Variants in SMG7 observed in about 807,000 individuals in gnomAD.
SMG7 encodes the protein SMG7 nonsense mediated mRNA decay factor.
SMG7 carries 34 observed loss-of-function variants against 148.2 expected under a neutral mutation model. That is an observed-to-expected ratio of 0.23 (90% confidence interval 0.17 to 0.31). The LOEUF (loss-of-function observed/expected upper bound fraction) is 0.31, where lower values mean the gene tolerates loss of function less well. Among genes scored for constraint, SMG7 ranks in the 10% least tolerant of loss-of-function variants. SMG7 has a pLI of 1.00. For missense variants in SMG7, 1,114 were observed against 1,408.4 expected (o/e 0.79, Z 3.35); for synonymous variants, 492 against 515.1 (o/e 0.96, Z 0.61).
At chr1:183,523,247 A>T (rs1165709465) in intron 4 of SMG7, among the ~76,000 whole-genome samples, 1 of 152,236 alleles carries the variant, frequency 6.6e-6, no homozygotes, top group African/African-American at 2.4e-5. Context: ...TAAAGAGCTG[A>T]GGAGACAAGA....
intron 1 of SMG7, among the ~76,000 whole-genome samples, chr1:183,477,917 A>C (rs1370377601): frequency 6.6e-6 from 1 of 152,134 alleles, no homozygotes; most frequent in African/African-American, 2.4e-5. Flanking sequence ...TACTAATATA[A>C]CAGCCACAGG....
In SMG7 at chr1:183,503,376, T is replaced by G. The variant is rs140251995; in HGVS notation, c.30-9461T>G. On this transcript the variant is annotated intron_variant, in intron 1 of 22. Transcript: ENST00000688051. ...TATATCAGGTCCAATTTTAAAAATG[T>G]ATTTGTTAAATAACGTAATCAGAAC... Among the ~76,000 whole-genome samples the G allele has an allele frequency of 1.8e-3, 271 of 152,348 alleles. 1 individual carries two copies. The highest frequency in any genetic ancestry group is 0.014 in the Middle Eastern group (4 of 294).
At chr1:183,525,966 T>C (rs978664531) in intron 4 of SMG7, among the ~76,000 whole-genome samples, 7 of 152,038 alleles carry the variant, frequency 4.6e-5, no homozygotes, top group Non-Finnish European at 7.4e-5. Flanking sequence ...GTAGTAGCTT[T>C]CTTTGCTTGC....
Position 183,542,095 on chromosome 1 carries a change from G to C in SMG7, c.1435G>C (p.Glu479Gln). ...TTTTAGGCTGATTCAGTGTGAAAAT[G>C]AGGTAGGGAAATTGTTGTTTATCAC... ...NQPRLIQCEN[E>Q]VGKLLFITEI... is the part of the protein sequence containing the mutation. The change falls in exon 14 of 23, where the codon GAG becomes CAG. Residue 479 changes from glutamate (E) to glutamine (Q), a missense_variant. Around this residue, in one of 4 missense-constraint regions of SMG7, gnomAD observed 788 missense variants for 894.5 expected, o/e 0.88. Transcript: ENST00000688051. 1.2e-6 allele frequency: 2 copies of C among 1,611,352 alleles called. No homozygotes were observed. Among genetic ancestry groups the C allele is most frequent in the Non-Finnish European group, 1.7e-6 (2 of 1,178,172 alleles).
intron 4 of SMG7, among the ~76,000 whole-genome samples, chr1:183,525,010 T>A (rs147394020): frequency 1.3e-5 from 2 of 152,290 alleles, no homozygotes; most frequent in African/African-American, 2.4e-5. Context: ...ATCTTTCTTG[T>A]TTACTGGGTG....
intron 1 of SMG7, among the ~76,000 whole-genome samples, chr1:183,482,682 T>C (rs1026574886): frequency 6.6e-5 from 10 of 152,158 alleles, no homozygotes; most frequent in Non-Finnish European, 1.0e-4. Context: ...TTATTAGCTA[T>C]TGTTAGTCTC....
chr1:183,538,104 G>T (rs183949703), intron 11 of SMG7, among the ~76,000 whole-genome samples: 43 of 152,234 alleles, frequency 2.8e-4, no homozygotes, highest in African/African-American at 1.0e-3. Context: ...CTGGATCCAA[G>T]ACTATGAATT....
At chr1:183,543,646 A>AC (rs1381487073) in intron 14 of SMG7, among the ~76,000 whole-genome samples, 3 of 152,154 alleles carry the variant, frequency 2.0e-5, no homozygotes, top group Non-Finnish European at 2.9e-5. Context: ...ATCTCAAATC[A>AC]CCTATAAATG....
chr1:183,535,093 T>C (rs934170904), intron 10 of SMG7, among the ~76,000 whole-genome samples: 1 of 152,224 alleles, frequency 6.6e-6, no homozygotes, highest in African/African-American at 2.4e-5. Context: ...TCTACTCTTG[T>C]GTACTCTAGA....
At chr1:183,481,590 A>G (rs1452341700) in intron 1 of SMG7, among the ~76,000 whole-genome samples, 1 of 152,176 alleles carries the variant, frequency 6.6e-6, no homozygotes, top group Non-Finnish European at 1.5e-5. Flanking sequence ...ATTTAGGACT[A>G]TTTACCGTAT....
chr1:183,549,398 G>A (rs1405753358), intron 19 of SMG7, 110 bp downstream of exon 19: 19 of 785,998 alleles, frequency 2.4e-5, no homozygotes, highest in Non-Finnish European at 3.8e-5. Flanking sequence ...ATGTATTAGT[G>A]TATTCCAGAT....
At chr1:183,536,386 T>C (rs1248233682) in intron 10 of SMG7, among the ~76,000 whole-genome samples, 1 of 152,158 alleles carries the variant, frequency 6.6e-6, no homozygotes, top group East Asian at 1.9e-4. Flanking sequence ...CCCTGTCATA[T>C]ATAATACATC....
chr1:183,496,004 A>C (rs542920689), intron 1 of SMG7, among the ~76,000 whole-genome samples: 2 of 152,256 alleles, frequency 1.3e-5, no homozygotes, highest in Non-Finnish European at 2.9e-5. Context: ...TTTAGGCTCC[A>C]GAATTCTGAT....
intron 1 of SMG7, among the ~76,000 whole-genome samples, chr1:183,476,728 A>G (rs148422646): frequency 3.3e-5 from 5 of 152,002 alleles, no homozygotes; most frequent in East Asian, 3.9e-4. Context: ...TAAGAGAATC[A>G]GTTAAGTTGA....
chr1:183,552,796 C>T lies in SMG7; in HGVS notation c.*865C>T. On this transcript the variant is annotated 3_prime_UTR_variant, in exon 23 of 23. Coordinates refer to ENST00000688051, the MANE Select transcript of SMG7 (RefSeq NM_001375584.1). The stretch of plus-strand genomic sequence containing the variant: ...CTCACAGAAGGCAGGCTAGTCCATT[C>T]ACAGCCTGACACGTTCTAATAGGTA... 7.1e-7 allele frequency: 1 copy of T among 1,416,496 alleles called. No individual in the cohort carries two copies. Among genetic ancestry groups the T allele is most frequent in the East Asian group, 2.5e-5 (1 of 39,362 alleles). The allele number at this position is 1,416,496 out of a possible 1,614,324, so 87.7% of individuals were successfully genotyped here. A position where few individuals can be genotyped will look rare whatever the true frequency, so the allele number is the denominator to read the frequency against.
chr1:183,472,699 G>C, intron 1 of SMG7, 50 bp downstream of exon 1: 2 of 1,433,260 alleles, frequency 1.4e-6, no homozygotes, highest in South Asian at 1.4e-5. Context: ...CCGCAGGTTG[G>C]GGCATGGAGC....
Position 183,527,909 on chromosome 1 carries a change from T to A in SMG7, c.485-47T>A, listed in dbSNP as rs1401931339. ...TATAGCTGTTTTGGAAATACTACCC[T>A]ACTGTTTGTTTTTTGGGTTTTTTAA... On this transcript the variant is annotated intron_variant, in intron 5 of 22. Transcript: ENST00000688051. The surrounding 1 kb of genome is among the most constrained non-coding windows in gnomAD (Gnocchi z 4.0). The A allele has an allele frequency of 1.5e-6, 2 of 1,343,318 alleles. No individual in the cohort carries two copies. Among genetic ancestry groups the A allele is most frequent in the Non-Finnish European group, 2.1e-6 (2 of 936,118 alleles). The allele number at this position is 1,343,318 out of a possible 1,614,324, so 83.2% of individuals were successfully genotyped here.
chr1:183,526,700 A>G lies in SMG7; in HGVS notation c.417A>G (p.Ile139Met). ...ATAAACAGACGCATACCAGCGCCATAGTGAAGCCACAGTCTAGCTCCTGTT... is the reference window on the plus strand; with the variant it reads ...ATAAACAGACGCATACCAGCGCCATGGTGAAGCCACAGTCTAGCTCCTGTT... ...ISNKQTHTSA[I>M]VKPQSSSCSY... Residue 139 changes from isoleucine to methionine, a missense_variant, in exon 5 of 23, where the codon ATA (isoleucine) becomes ATG (methionine). Physicochemically the swap from Ile to Met is conservative, Grantham distance 10 (BLOSUM62 1). Transcript: ENST00000688051. 1 of 1,613,884 alleles carries G rather than the reference A, an allele frequency of 6.2e-7. No individual in the cohort carries two copies. The highest frequency in any genetic ancestry group is 8.5e-7 in the Non-Finnish European group (1 of 1,179,858).
At chr1:183,511,341 T>G (rs964588841) in intron 1 of SMG7, among the ~76,000 whole-genome samples, 1 of 152,154 alleles carries the variant, frequency 6.6e-6, no homozygotes, top group Non-Finnish European at 1.5e-5. Context: ...TGTGAGAGCA[T>G]AAAATAGGAT....
Sources: gnomAD v4.1 joint callset for allele counts (sites outside exome capture counted in the v4.1 genomes callset) on GRCh38, gnomAD v4.1.1 for gene constraint, gnomAD v4.1.1 regional missense constraint, Gnocchi (gnomAD v3.1) non-coding constraint, MANE v1.5 for transcripts, NCBI Gene and HGNC (gene_info 2026-07-23, HGNC 2026-07-21) for gene names.